The following RAB8B variants were observed in gnomAD, a reference collection of about 807,000 sequenced individuals.
RAB8B encodes the protein ras-related protein Rab-8B.
RAB8B carries 11 observed loss-of-function variants against 32.0 expected under a neutral mutation model. That is an observed-to-expected ratio of 0.34 (90% CI 0.22 to 0.57). The LOEUF is 0.57. Among genes scored for constraint, RAB8B ranks in the 20% least tolerant of loss-of-function variants. RAB8B has a pLI of 0.86. For synonymous variants in RAB8B, 103 were observed against 89.6 expected (o/e 1.15, Z -0.85); for missense variants, 190 against 258.5 (o/e 0.73, Z 1.82).
At chr15:63,255,969 A>C (rs1401746148) in intron 4 of RAB8B, among the ~76,000 whole-genome samples, 1 of 152,196 alleles carries the variant, frequency 6.6e-6, no homozygotes, top group African/African-American at 2.4e-5. Context: ...AGCAACAATT[A>C]TCTCTTTACC....
chr15:63,233,586 CAAAG>C (rs909122761), intron 1 of RAB8B, among the ~76,000 whole-genome samples: 5 of 152,086 alleles, frequency 3.3e-5, no homozygotes, highest in Non-Finnish European at 5.9e-5. Context: ...ATTTGATTGT[CAAAG>C]AAAGTTTCAA....
chr15:63,221,720 G>A (rs953482509), intron 1 of RAB8B, among the ~76,000 whole-genome samples: 4 of 152,110 alleles, frequency 2.6e-5, no homozygotes, highest in African/African-American at 9.7e-5. Flanking sequence ...CATGGTTGGG[G>A]GTCTGTACAT....
intron 1 of RAB8B, among the ~76,000 whole-genome samples, chr15:63,194,559 A>G (rs935750060): frequency 6.6e-6 from 1 of 152,244 alleles, no homozygotes; most frequent in Non-Finnish European, 1.5e-5. Context: ...TCACATTAGG[A>G]GATCAAAGTG....
Position 63,264,389 on chromosome 15 carries a change from T to G in RAB8B, c.*770T>G, listed in dbSNP as rs1422981326. The G allele has an allele frequency of 6.6e-6, 1 of 152,238 alleles. No homozygotes were observed. The highest frequency in any genetic ancestry group is 1.5e-5 in the Non-Finnish European group (1 of 68,034). 9.4% of individuals were successfully genotyped at this position (152,238 alleles called of 1,614,324 possible). On this transcript the variant is annotated 3_prime_UTR_variant, in exon 8 of 8. Coordinates refer to ENST00000321437, the MANE Select transcript of RAB8B (RefSeq NM_016530.3). ...CCATGTTTGACTTAAGTGTAATCAC[T>G]CTTAAGTAATATTTGAACATTATTA...
At chr15:63,230,202 A>G (rs2141127624) in intron 1 of RAB8B, among the ~76,000 whole-genome samples, 1 of 152,208 alleles carries the variant, frequency 6.6e-6, no homozygotes, top group African/African-American at 2.4e-5. Context: ...CTTTTGTGGC[A>G]TTGATGTTGG....
intron 5 of RAB8B, among the ~76,000 whole-genome samples, chr15:63,258,148 C>T (rs950140169): frequency 6.7e-6 from 1 of 150,208 alleles, no homozygotes; most frequent in Non-Finnish European, 1.5e-5. Context: ...GTCACCCAGG[C>T]TGGAGTGCAA....
intron 7 of RAB8B, 35 bp from the exon 8 acceptor site, chr15:63,263,492 T>C: frequency 6.5e-7 from 1 of 1,527,216 alleles, no homozygotes; most frequent in Non-Finnish European, 9.1e-7. Context: ...CATGAAACTT[T>C]TATTTCCTTG....
rs2038086221 is a variant in RAB8B at position 63,248,178 on chromosome 15, C to T, written c.186-1467C>T. Among the ~76,000 whole-genome samples, 3 of 152,134 alleles carry T rather than the reference C, an allele frequency of 2.0e-5. No homozygotes were observed. Among genetic ancestry groups the T allele is most frequent in the African/African-American group, 2.4e-5 (1 of 41,414 alleles). The stretch of plus-strand genomic sequence containing the variant: ...GATGGCTTTTTTGTAAGGCCTGGCC[C>T]AGAGCTGAACAGCTGAGACCTAAGA... On this transcript the variant is annotated intron_variant, in intron 2 of 7. Coordinates refer to ENST00000321437, the MANE Select transcript of RAB8B (RefSeq NM_016530.3). The surrounding 1 kb of genome is among the most constrained non-coding windows in gnomAD (Gnocchi z 4.4).
intron 1 of RAB8B, among the ~76,000 whole-genome samples, chr15:63,232,590 T>C (rs1218059796): frequency 6.6e-6 from 1 of 152,250 alleles, no homozygotes; most frequent in Non-Finnish European, 1.5e-5. Flanking sequence ...TGGTAATGTG[T>C]GTCACTGTTG....
rs139840633 is a variant in RAB8B, at chr15:63,263,517, TA to T, written c.532-9del. The T allele has an allele frequency of 8.8e-3, 14,095 of 1,599,408 alleles. 463 individuals carry two copies. The African/African-American group carries it at 0.11, about 12-fold the overall frequency. The stretch of plus-strand genomic sequence containing the variant: ...TTATTTCCTTGGTAACTTCATCTTC[TA>T]TTTTTTAGAATGACAGCAATTCAGC... On this transcript the variant is annotated splice_polypyrimidine_tract_variant and intron_variant, in intron 7 of 7. Coordinates refer to ENST00000321437, the MANE Select transcript of RAB8B (RefSeq NM_016530.3).
chr15:63,213,865 G>A (rs1290853133), intron 1 of RAB8B, among the ~76,000 whole-genome samples: 3 of 152,074 alleles, frequency 2.0e-5, no homozygotes, highest in Admixed American at 6.5e-5. Context: ...GGCAGATCAC[G>A]AGGTCAGGAG....
rs766173379 is a variant in RAB8B, at chr15:63,201,352, G to C, written c.124+11604G>C. Among the ~76,000 whole-genome samples, 4 of 152,330 alleles carry C rather than the reference G, an allele frequency of 2.6e-5. No homozygotes were observed. In the South Asian group the frequency reaches 6.2e-4, roughly 24 times the overall value. ...AGATTGGACCCCAAAGGAGGAGTTA[G>C]TTGGGTAGAATGGAAGAGAGTAAGG... On this transcript the variant is annotated intron_variant, in intron 1 of 7. Transcript: ENST00000321437.
intron 1 of RAB8B, among the ~76,000 whole-genome samples, chr15:63,191,027 G>A (rs2037551968): frequency 6.6e-6 from 1 of 152,204 alleles, no homozygotes; most frequent in South Asian, 2.1e-4. Flanking sequence ...CCAAGTCAAA[G>A]CTGGTTTTAA....
chr15:63,249,717 G>T lies in RAB8B; in HGVS notation c.246+12G>T, dbSNP rs1315071893. ...ACAGAGGAGCCATGGTGAGTGTGTT[G>T]TAGGGTTTTGTAACTCTTCAGGTAG... On this transcript the variant is annotated intron_variant, in intron 3 of 7. Transcript: ENST00000321437. 7 of 1,611,404 alleles carry T rather than the reference G, an allele frequency of 4.3e-6. No homozygotes were observed. The highest frequency in any genetic ancestry group is 5.9e-6 in the Non-Finnish European group (7 of 1,178,318).
intron 4 of RAB8B, among the ~76,000 whole-genome samples, chr15:63,255,998 T>G (rs1338875840): frequency 6.6e-6 from 1 of 152,238 alleles, no homozygotes; most frequent in Non-Finnish European, 1.5e-5. Context: ...TTTTTGCCCT[T>G]CTGACATTTT....
chr15:63,226,454 A>G (rs896330198), intron 1 of RAB8B, among the ~76,000 whole-genome samples: 4 of 152,236 alleles, frequency 2.6e-5, no homozygotes, highest in Non-Finnish European at 5.9e-5. Context: ...TTCAACTTTG[A>G]GTCCTGCAAA....
At chr15:63,201,733 A>C (rs1489713072) in intron 1 of RAB8B, among the ~76,000 whole-genome samples, 2 of 152,204 alleles carry the variant, frequency 1.3e-5, no homozygotes, top group Non-Finnish European at 2.9e-5. Flanking sequence ...AGGTAGAAGG[A>C]GATAGATATC....
At chr15:63,240,855 T>A (rs1421699926) in intron 1 of RAB8B, among the ~76,000 whole-genome samples, 1 of 151,124 alleles carries the variant, frequency 6.6e-6, no homozygotes, top group Non-Finnish European at 1.5e-5. Context: ...TTTGAAGTGT[T>A]TTAAATGAAT....
chr15:63,249,794 C>A, intron 3 of RAB8B, 89 bp downstream of exon 3: 1 of 1,335,732 alleles, frequency 7.5e-7, no homozygotes, highest in Non-Finnish European at 1.0e-6. Context: ...AAGATGGAGT[C>A]TAGTATGTAG....
Sources: allele counts gnomAD v4.1 joint callset (sites outside exome capture counted in the v4.1 genomes callset), GRCh38; gene constraint gnomAD v4.1.1; non-coding constraint Gnocchi (gnomAD v3.1); transcripts MANE v1.5; gene names NCBI Gene and HGNC (gene_info 2026-07-23, HGNC 2026-07-21).